The following LRRTM4 variants were observed in gnomAD, a reference collection of about 807,000 sequenced individuals.
The protein encoded by LRRTM4 is leucine rich repeat transmembrane neuronal 4.
A neutral mutation model predicts 47.6 loss-of-function variants in LRRTM4; 25 were observed. The observed-to-expected ratio is 0.53, with a 90% CI of 0.38 to 0.73. LRRTM4 has a LOEUF of 0.73. LRRTM4 is among the 30% of genes least tolerant of loss of function. LRRTM4 has a pLI of 0.00. For missense variants in LRRTM4, 638 were observed against 713.4 expected (o/e 0.89, Z 1.20); for synonymous variants, 311 against 269.5 (o/e 1.15, Z -1.51).
At chr2:77,410,886 A>G (rs193084110) in intron 3 of LRRTM4, among the ~76,000 whole-genome samples, 1 of 152,310 alleles carries the variant, frequency 6.6e-6, no homozygotes, top group East Asian at 1.9e-4. Flanking sequence ...AAACCAAGCA[A>G]GTTAACTATC....
intron 3 of LRRTM4, among the ~76,000 whole-genome samples, chr2:77,174,883 A>G (rs955382041): frequency 1.3e-4 from 19 of 151,292 alleles, no homozygotes; most frequent in Non-Finnish European, 1.5e-5. Context: ...ACCTTTTAGG[A>G]GAGGCCACAG....
chr2:77,041,855 G>A (rs1389638620), intron 3 of LRRTM4, among the ~76,000 whole-genome samples: 2 of 149,906 alleles, frequency 1.3e-5, no homozygotes, highest in Non-Finnish European at 1.5e-5. Flanking sequence ...CTTTTGCACT[G>A]ACCTAATATT....
At chr2:77,280,075 C>T (rs187859215) in intron 3 of LRRTM4, among the ~76,000 whole-genome samples, 159 of 152,036 alleles carry the variant, frequency 1.0e-3, no homozygotes, top group Non-Finnish European at 4.6e-4. Flanking sequence ...CATTAAGTAG[C>T]GAGATTATCC....
At chr2:77,358,014 G>A (rs577008990) in intron 3 of LRRTM4, among the ~76,000 whole-genome samples, 13 of 151,966 alleles carry the variant, frequency 8.6e-5, no homozygotes, top group African/African-American at 2.9e-4. Context: ...TTAGAATCAG[G>A]GTTTCCCTCA....
chr2:76,966,999 A>C (rs908994992), intron 3 of LRRTM4, among the ~76,000 whole-genome samples: 1 of 151,472 alleles, frequency 6.6e-6, no homozygotes, highest in Admixed American at 6.6e-5. Context: ...TTAGCTTTTA[A>C]AACTGCCAAA....
chr2:77,366,426 C>A (rs78366102), intron 3 of LRRTM4, among the ~76,000 whole-genome samples: 2,652 of 151,948 alleles, frequency 0.017, 71 homozygotes, highest in African/African-American at 0.056. Flanking sequence ...TCCTAAGTGG[C>A]CTCCTTTCCT....
intron 3 of LRRTM4, among the ~76,000 whole-genome samples, chr2:76,804,528 C>T (rs1042571621): frequency 2.0e-5 from 3 of 151,472 alleles, no homozygotes; most frequent in South Asian, 2.1e-4. Flanking sequence ...CTATTTTAAC[C>T]GGCTGATGCC....
At chr2:77,225,424 GAA>G (rs34525667) in intron 3 of LRRTM4, among the ~76,000 whole-genome samples, 8 of 143,966 alleles carry the variant, frequency 5.6e-5, no homozygotes, top group South Asian at 4.4e-4. Flanking sequence ...AAAATTGTGA[GAA>G]AAAAAAAAAA....
intron 3 of LRRTM4, among the ~76,000 whole-genome samples, chr2:77,332,049 C>A (rs1046610481): frequency 3.3e-5 from 5 of 152,046 alleles, no homozygotes; most frequent in Admixed American, 6.6e-5. Context: ...AATAGAGATG[C>A]AAATATGTTT....
At chr2:77,256,071 T>G (rs1675756683) in intron 3 of LRRTM4, among the ~76,000 whole-genome samples, 1 of 151,968 alleles carries the variant, frequency 6.6e-6, no homozygotes, top group Non-Finnish European at 1.5e-5. Context: ...AAAACACCAA[T>G]GTCATGAATA....
chr2:77,431,795 G>T (rs1226549163), intron 3 of LRRTM4, among the ~76,000 whole-genome samples: 4 of 149,020 alleles, frequency 2.7e-5, no homozygotes, highest in Non-Finnish European at 5.9e-5. Context: ...GGTAATTGGG[G>T]CCAGGCACGG....
chr2:77,215,641 T>C (rs192115004), intron 3 of LRRTM4, among the ~76,000 whole-genome samples: 18 of 152,340 alleles, frequency 1.2e-4, no homozygotes, highest in African/African-American at 3.1e-4. Flanking sequence ...TTAGCTCTTA[T>C]CAATTTTATT....
At chr2:77,123,213 C>CAG (rs56149151) in intron 3 of LRRTM4, among the ~76,000 whole-genome samples, 6,732 of 142,822 alleles carry the variant, frequency 0.047, 200 homozygotes, top group African/African-American at 0.091. Flanking sequence ...TTCAGTCTCA[C>CAG]AGAGAGAGAG....
chr2:77,202,867 T>C (rs565231197), intron 3 of LRRTM4, among the ~76,000 whole-genome samples: 1 of 152,234 alleles, frequency 6.6e-6, no homozygotes, highest in South Asian at 2.1e-4. Flanking sequence ...AATTTTCATC[T>C]TCTAAGGAAA....
chr2:77,212,829 T>C (rs910664557), intron 3 of LRRTM4, among the ~76,000 whole-genome samples: 1 of 152,110 alleles, frequency 6.6e-6, no homozygotes, highest in Admixed American at 6.6e-5. Context: ...CTTAGTTAAA[T>C]AAAAGATATC....
Position 76,760,514 on chromosome 2 carries a change from A to G in LRRTM4, c.1552-11598T>C, listed in dbSNP as rs181737296. ...TAGACTGCTGGTACGTGTAGCTTCC[A>G]TATACAGACAGCACGTCTGCTACTG... On this transcript the variant is annotated intron_variant, in intron 3 of 3. Transcript: ENST00000409884. Among the ~76,000 whole-genome samples, 7 of 152,198 alleles carry G rather than the reference A, an allele frequency of 4.6e-5. No individual in the cohort carries two copies. The East Asian group carries it at 1.4e-3, about 29-fold the overall frequency.
intron 3 of LRRTM4, among the ~76,000 whole-genome samples, chr2:77,166,330 T>G (rs1273614353): frequency 1.3e-5 from 2 of 152,100 alleles, no homozygotes; most frequent in Admixed American, 6.6e-5. Context: ...GGAAGAACAT[T>G]CCATGCTCAT....
intron 3 of LRRTM4, among the ~76,000 whole-genome samples, chr2:77,341,236 T>C (rs1049904039): frequency 6.6e-6 from 1 of 151,978 alleles, no homozygotes; most frequent in African/African-American, 2.4e-5. Context: ...ATTAGATTTC[T>C]CTTCTCATGT....
At chr2:77,227,993 A>G (rs900294598) in intron 3 of LRRTM4, among the ~76,000 whole-genome samples, 4 of 152,036 alleles carry the variant, frequency 2.6e-5, no homozygotes, top group Non-Finnish European at 5.9e-5. Context: ...ATCATCTACG[A>G]GTTATCAGGA....
Sources: gnomAD v4.1 joint callset for allele counts (sites outside exome capture counted in the v4.1 genomes callset) on GRCh38, gnomAD v4.1.1 for gene constraint, MANE v1.5 for transcripts, NCBI Gene and HGNC (gene_info 2026-07-23, HGNC 2026-07-21) for gene names.